FRMPD4: variants seen among roughly 807,000 people sequenced by gnomAD.
FRMPD4 encodes FERM and PDZ domain-containing protein 4.
Under a neutral mutation model 94.1 loss-of-function variants are expected in FRMPD4, and 22 were observed. That is an observed-to-expected ratio of 0.23 (90% CI 0.17 to 0.33). The LOEUF (loss-of-function observed/expected upper bound fraction) is 0.33, where lower values mean the gene tolerates loss of function less well. Among genes scored for constraint, FRMPD4 ranks in the 10% least tolerant of loss-of-function variants. The pLI, the probability that FRMPD4 is intolerant of heterozygous loss-of-function variation, is 1.00. For synonymous variants in FRMPD4, 631 were observed against 548.6 expected, an observed-to-expected ratio of 1.15 and a Z score of -2.10; for missense variants, 1,111 against 1,339.9, an observed-to-expected ratio of 0.83 and a Z score of 2.67.
chrX:11,841,309 G>A (rs1216586966), intron 1 of FRMPD4, among the ~76,000 whole-genome samples: 4 of 110,767 alleles, frequency 3.6e-5, no homozygotes, highest in Non-Finnish European at 5.7e-5. Flanking sequence ...CTAGGTCCCT[G>A]AGGAATCGCC....
intron 3 of FRMPD4, among the ~76,000 whole-genome samples, chrX:12,103,935 G>C (rs1380498554): frequency 9.0e-6 from 1 of 111,709 alleles, no homozygotes; most frequent in Non-Finnish European, 1.9e-5. Context: ...GACTACCACA[G>C]ACTGGGTAAT....
chrX:12,580,826 T>A (rs779763657), intron 2 of FRMPD4, among the ~76,000 whole-genome samples: 18 of 112,194 alleles, frequency 1.6e-4, no homozygotes, highest in Admixed American at 1.5e-3. Flanking sequence ...GTATATATAG[T>A]GTGAATACAC....
intron 14 of FRMPD4, among the ~76,000 whole-genome samples, chrX:12,712,277 A>T (rs1223597096): frequency 9.0e-6 from 1 of 111,075 alleles, no homozygotes; most frequent in Non-Finnish European, 1.9e-5. Flanking sequence ...AGCCAGATGC[A>T]GTGGTTCACG....
intron 1 of FRMPD4, among the ~76,000 whole-genome samples, chrX:12,211,424 A>G (rs1324902284): frequency 8.9e-6 from 1 of 112,383 alleles, no homozygotes; most frequent in Admixed American, 9.4e-5. Flanking sequence ...CTGCAGATGG[A>G]AAGGATTCTT....
At chrX:12,528,456 G>A (rs778008760) in intron 2 of FRMPD4, among the ~76,000 whole-genome samples, 2 of 108,769 alleles carry the variant, frequency 1.8e-5, no homozygotes, top group East Asian at 2.9e-4. Context: ...AAGTAACTGG[G>A]ACTACTGGCA....
intron 1 of FRMPD4, among the ~76,000 whole-genome samples, chrX:12,159,726 G>C (rs754478336): frequency 8.9e-5 from 10 of 112,073 alleles, no homozygotes; most frequent in African/African-American, 3.2e-4. Context: ...TGAAAATCCA[G>C]GCTTACAGGG....
intron 1 of FRMPD4, among the ~76,000 whole-genome samples, chrX:12,414,548 A>G (rs1233257044): frequency 8.9e-6 from 1 of 111,956 alleles, no homozygotes; most frequent in Non-Finnish European, 1.9e-5. Flanking sequence ...CTTGAGACGT[A>G]TTTTTATATT....
At chrX:11,886,066 C>A (rs1180921390) in intron 3 of FRMPD4, among the ~76,000 whole-genome samples, 3 of 111,701 alleles carry the variant, frequency 2.7e-5, no homozygotes, top group African/African-American at 9.7e-5. Context: ...CAAGGTGCCC[C>A]TGGGAGATGC....
chrX:12,291,155 A>G (rs1433285553), intron 1 of FRMPD4, among the ~76,000 whole-genome samples: 1 of 112,042 alleles, frequency 8.9e-6, no homozygotes, highest in Admixed American at 9.4e-5. Context: ...TCTCTCCTGA[A>G]TGGTTTTCCT....
At chrX:11,913,071 CA>C (rs2054005268) in intron 3 of FRMPD4, among the ~76,000 whole-genome samples, 1 of 112,246 alleles carries the variant, frequency 8.9e-6, no homozygotes, top group African/African-American at 3.2e-5. Flanking sequence ...TATCTGCCTC[CA>C]AAGCCAGTTG....
chrX:12,475,409 G>A (rs1164435085), intron 1 of FRMPD4, among the ~76,000 whole-genome samples: 2 of 111,643 alleles, frequency 1.8e-5, no homozygotes, highest in African/African-American at 3.3e-5. Context: ...GCACAAGACA[G>A]GGATGCCCTC....
chrX:12,277,534 C>T (rs1358453981), intron 1 of FRMPD4, among the ~76,000 whole-genome samples: 2 of 112,090 alleles, frequency 1.8e-5, no homozygotes, highest in Non-Finnish European at 3.8e-5. Flanking sequence ...AGATTTGTTT[C>T]AGCCTTCACT....
intron 3 of FRMPD4, among the ~76,000 whole-genome samples, chrX:11,970,407 G>C (rs2054333800): frequency 8.9e-6 from 1 of 112,021 alleles, no homozygotes; most frequent in African/African-American, 3.2e-5. Context: ...TCGCTCTTCT[G>C]CCTTTCCATT....
At chrX:12,208,038 TC>T (rs2056712707) in intron 1 of FRMPD4, among the ~76,000 whole-genome samples, 1 of 111,237 alleles carries the variant, frequency 9.0e-6, no homozygotes, top group African/African-American at 3.3e-5. Flanking sequence ...GATAACTATA[TC>T]CTTGAAATAA....
intron 1 of FRMPD4, among the ~76,000 whole-genome samples, chrX:12,193,806 G>A (rs866328877): frequency 0.2 from 4,397 of 22,289 alleles, 914 homozygotes; most frequent in African/African-American, 0.36. Flanking sequence ...AAGGAAGGAA[G>A]GAAGGAAGGA....
In FRMPD4 at chrX:12,265,095, A is replaced by C. The variant is rs138259229; in HGVS notation, c.41+126083A>C. Among the ~76,000 whole-genome samples the C allele has an allele frequency of 4.9e-3, 548 of 112,289 alleles. 2 individuals carry two copies. The highest frequency in any genetic ancestry group is 0.016 in the African/African-American group (510 of 30,920). On this transcript the variant is annotated intron_variant, in intron 1 of 16. Coordinates refer to ENST00000675598, the MANE Select transcript of FRMPD4 (RefSeq NM_001368397.1). ...TGTTTCGGTTTCAGCCTGTAATCAAAGACAAAGTAATTCTCAATCTTGGCT... is the reference window on the plus strand; with the variant it reads ...TGTTTCGGTTTCAGCCTGTAATCAACGACAAAGTAATTCTCAATCTTGGCT...
intron 3 of FRMPD4, among the ~76,000 whole-genome samples, chrX:11,989,534 A>G (rs1395093234): frequency 9.0e-6 from 1 of 110,682 alleles, no homozygotes; most frequent in Non-Finnish European, 1.9e-5. Flanking sequence ...AGGATGGTTA[A>G]TGGGCACAAA....
At chrX:12,668,687 C>G (rs1291374836) in intron 4 of FRMPD4, among the ~76,000 whole-genome samples, 3 of 104,652 alleles carry the variant, frequency 2.9e-5, no homozygotes, top group Non-Finnish European at 5.9e-5. Flanking sequence ...TCACTGCAAC[C>G]TCCACCTCCT....
chrX:12,342,156 G>T lies in FRMPD4; in HGVS notation c.42-156524G>T, dbSNP rs1175341929. ...TAGTTTTTGGTGATGCTTACTTGGA[G>T]CTAGCTACAATACAAGACACTGTAA... On this transcript the variant is annotated intron_variant, in intron 1 of 16. Transcript: ENST00000675598. Among the ~76,000 whole-genome samples, 5 of 112,079 alleles carry T rather than the reference G, an allele frequency of 4.5e-5. No individual in the cohort carries two copies. In the Admixed American group the frequency reaches 4.7e-4, roughly 11 times the overall value.
Sources: gnomAD v4.1 joint callset for allele counts (sites outside exome capture counted in the v4.1 genomes callset) on GRCh38, gnomAD v4.1.1 for gene constraint, MANE v1.5 for transcripts, NCBI Gene and HGNC (gene_info 2026-07-23, HGNC 2026-07-21) for gene names.